CPNE4: variants seen among roughly 807,000 people sequenced by gnomAD.
CPNE4 encodes copine-4.
In CPNE4, 25 loss-of-function variants were observed where a neutral mutation model predicts 67.9. The ratio of observed to expected loss-of-function variants is 0.37; its 90% confidence interval spans 0.27 to 0.51. The LOEUF (loss-of-function observed/expected upper bound fraction) is 0.51, where lower values mean the gene tolerates loss of function less well. Ranked by LOEUF, CPNE4 falls within the 20% of genes least tolerant of loss-of-function variation. The pLI, the probability that CPNE4 is intolerant of heterozygous loss-of-function variation, is 0.93. For synonymous variants in CPNE4, 242 were observed against 244.9 expected, an observed-to-expected ratio of 0.99 and a Z score of 0.11; for missense variants, 464 against 690.8, an observed-to-expected ratio of 0.67 and a Z score of 3.68.
chr3:131,721,395 T>C (rs1176847358), intron 3 of CPNE4, among the ~76,000 whole-genome samples: 2 of 57,090 alleles, frequency 3.5e-5, no homozygotes, highest in African/African-American at 1.4e-4. Flanking sequence ...CACACGGATC[T>C]ACCTTTTTTT....
At chr3:131,901,242 G>A (rs1480825377) in intron 2 of CPNE4, among the ~76,000 whole-genome samples, 1 of 152,074 alleles carries the variant, frequency 6.6e-6, no homozygotes, top group Non-Finnish European at 1.5e-5. Flanking sequence ...AGTTCCAGGA[G>A]CTAGTGAACA....
At chr3:131,665,300 C>G (rs2080229688) in intron 7 of CPNE4, among the ~76,000 whole-genome samples, 1 of 152,026 alleles carries the variant, frequency 6.6e-6, no homozygotes, top group Non-Finnish European at 1.5e-5. Flanking sequence ...TGCCATCTAT[C>G]ACATTGAGGG....
chr3:131,935,855 T>C (rs1315006057), intron 1 of CPNE4, among the ~76,000 whole-genome samples: 2 of 151,998 alleles, frequency 1.3e-5, no homozygotes, highest in African/African-American at 4.8e-5. Flanking sequence ...GCATCAACTA[T>C]AGGCTTTTTG....
At chr3:131,773,456 TC>T (rs1258417272) in intron 2 of CPNE4, among the ~76,000 whole-genome samples, 1 of 152,100 alleles carries the variant, frequency 6.6e-6, no homozygotes, top group African/African-American at 2.4e-5. Flanking sequence ...CAAGCGATTC[TC>T]CTGCCTCAGC....
At chr3:132,022,077 C>A (rs1003021321) in intron 1 of CPNE4, among the ~76,000 whole-genome samples, 1 of 152,170 alleles carries the variant, frequency 6.6e-6, no homozygotes, top group African/African-American at 2.4e-5. Flanking sequence ...CTGAAGACAG[C>A]AAGTCTATTT....
chr3:131,993,847 A>G lies in CPNE4; in HGVS notation c.-2+40720T>C, dbSNP rs1372464879. On this transcript the variant is annotated intron_variant, in intron 1 of 15. Transcript: ENST00000429747. ...TTTACTAGTGCAAAAATACAAGAAA[A>G]AGACATACAAATTAGGAAGAAACAA... Among the ~76,000 whole-genome samples, 3 of 136,062 alleles carry G rather than the reference A, an allele frequency of 2.2e-5. 1 individual carries two copies. The highest frequency in any genetic ancestry group is 5.0e-5 in the Non-Finnish European group (3 of 59,958). 89.3% of individuals were successfully genotyped at this position (136,062 alleles called of 152,430 possible).
rs375888374 is a variant in CPNE4, at chr3:131,781,453, T to A, written c.181-57828A>T. On this transcript the variant is annotated intron_variant, in intron 2 of 15. Transcript: ENST00000429747. Reference sequence around the variant, plus strand: ...ATATTTAAAATGAAGAAACCAGGAATGAACAAATAATAAATGAACAATAAA... The same window carrying A: ...ATATTTAAAATGAAGAAACCAGGAAAGAACAAATAATAAATGAACAATAAA... Among the ~76,000 whole-genome samples, 57 of 152,154 alleles carry A rather than the reference T, an allele frequency of 3.7e-4. 2 individuals are homozygous for A. In the South Asian group the frequency reaches 0.011, roughly 29 times the overall value.
chr3:131,997,828 T>C (rs2073333864), intron 1 of CPNE4, among the ~76,000 whole-genome samples: 1 of 152,116 alleles, frequency 6.6e-6, no homozygotes, highest in East Asian at 1.9e-4. Context: ...AGTGTTAACA[T>C]GATCTTGCAA....
intron 1 of CPNE4, among the ~76,000 whole-genome samples, chr3:132,027,104 T>A (rs1473156266): frequency 1.3e-5 from 2 of 152,220 alleles, no homozygotes; most frequent in African/African-American, 4.8e-5. Context: ...CCAAAAGTTT[T>A]TGAGCAACTA....
At chr3:131,599,691 T>G (rs1243188475) in intron 7 of CPNE4, among the ~76,000 whole-genome samples, 1 of 152,176 alleles carries the variant, frequency 6.6e-6, no homozygotes, top group Non-Finnish European at 1.5e-5. Flanking sequence ...GAAATCTGTC[T>G]GTACAAGGGC....
chr3:131,999,920 A>G (rs1398149160), intron 1 of CPNE4, among the ~76,000 whole-genome samples: 1 of 151,986 alleles, frequency 6.6e-6, no homozygotes, highest in Non-Finnish European at 1.5e-5. Flanking sequence ...CTTTTCCTCC[A>G]TTCAATTGTT....
At chr3:131,698,014 G>A (rs1326053426) in intron 4 of CPNE4, among the ~76,000 whole-genome samples, 1 of 151,684 alleles carries the variant, frequency 6.6e-6, no homozygotes, top group Non-Finnish European at 1.5e-5. Context: ...GGCGGATCAC[G>A]AGGTCAGGAG....
Position 131,745,497 on chromosome 3 carries a change from C to T in CPNE4, c.181-21872G>A, listed in dbSNP as rs993347631. On this transcript the variant is annotated intron_variant, in intron 2 of 15. Coordinates refer to ENST00000429747, the MANE Select transcript of CPNE4 (RefSeq NM_130808.3). ...CAAGTCTAAGAACTTTTTGCCTAACCCTAAAGCCCCAAAATTTCCTCCTAT... is the reference window on the plus strand; with the variant it reads ...CAAGTCTAAGAACTTTTTGCCTAACTCTAAAGCCCCAAAATTTCCTCCTAT... Among the ~76,000 whole-genome samples, 5 of 152,052 alleles carry T rather than the reference C, an allele frequency of 3.3e-5. No homozygotes were observed. In the East Asian group the frequency reaches 9.7e-4, roughly 29 times the overall value.
At chr3:131,538,230 T>A (rs1935276913) in intron 15 of CPNE4, among the ~76,000 whole-genome samples, 1 of 152,242 alleles carries the variant, frequency 6.6e-6, no homozygotes, top group Non-Finnish European at 1.5e-5. Flanking sequence ...GAGGTCTTAG[T>A]CTCACGCAAC....
intron 7 of CPNE4, among the ~76,000 whole-genome samples, chr3:131,596,149 C>CAAAA (rs778363171): frequency 1.4e-5 from 2 of 147,698 alleles, no homozygotes; most frequent in African/African-American, 2.6e-5. Flanking sequence ...TTCTAACAAA[C>CAAAA]AAACAAACAA....
chr3:131,950,069 G>A (rs1441391486), intron 1 of CPNE4, among the ~76,000 whole-genome samples: 1 of 152,116 alleles, frequency 6.6e-6, no homozygotes, highest in Non-Finnish European at 1.5e-5. Flanking sequence ...GTTGTATAAG[G>A]TCACTTTGAA....
chr3:131,863,705 TTTAA>T (rs2086797131), intron 2 of CPNE4, among the ~76,000 whole-genome samples: 2 of 152,216 alleles, frequency 1.3e-5, no homozygotes, highest in African/African-American at 2.4e-5. Flanking sequence ...AGCTCTTTAG[TTTAA>T]TTAGATCCCA....
rs767282824 is a variant in CPNE4 at position 132,005,314 on chromosome 3, C to CATAT, written c.-2+29249_-2+29252dup. Among the ~76,000 whole-genome samples, 599 of 81,468 alleles carry CATAT rather than the reference C, an allele frequency of 7.4e-3. 6 individuals are homozygous for CATAT. The highest frequency in any genetic ancestry group is 0.023 in the African/African-American group (522 of 22,608). The allele number at this position is 81,468 out of a possible 152,430, so 53.4% of individuals were successfully genotyped here. On this transcript the variant is annotated intron_variant, in intron 1 of 15. Coordinates refer to ENST00000429747, the MANE Select transcript of CPNE4 (RefSeq NM_130808.3). ...CAAAACAATGAATGTGCCATTTTTA[C>CATAT]ATATATATATATATATATATATATA...
At chr3:131,929,789 T>C (rs934561774) in intron 1 of CPNE4, among the ~76,000 whole-genome samples, 1 of 152,170 alleles carries the variant, frequency 6.6e-6, no homozygotes, top group African/African-American at 2.4e-5. Flanking sequence ...TTTTTAATCT[T>C]TAAAGGAGCT....
Sources: allele counts gnomAD v4.1 joint callset (sites outside exome capture counted in the v4.1 genomes callset), GRCh38; gene constraint gnomAD v4.1.1; transcripts MANE v1.5; gene names NCBI Gene and HGNC (gene_info 2026-07-23, HGNC 2026-07-21).